Variants in GPC6 observed in about 807,000 individuals in gnomAD.
GPC6 encodes glypican 6, also known as glypican-6.
A neutral mutation model predicts 55.2 loss-of-function variants in GPC6; 14 were observed. The ratio of observed to expected loss-of-function variants is 0.25; its 90% CI spans 0.17 to 0.40. The LOEUF (loss-of-function observed/expected upper bound fraction) is 0.40, where lower values mean the gene tolerates loss of function less well. Ranked by LOEUF, GPC6 falls within the 10% of genes least tolerant of loss-of-function variation. The pLI is 1.00. For missense variants in GPC6, 641 were observed against 708.5 expected, an observed-to-expected ratio of 0.90 and a Z score of 1.08; for synonymous variants, 278 against 259.6, an observed-to-expected ratio of 1.07 and a Z score of -0.68.
intron 3 of GPC6, among the ~76,000 whole-genome samples, chr13:93,853,136 C>T (rs1415691556): frequency 2.6e-5 from 4 of 151,582 alleles, no homozygotes; most frequent in African/African-American, 9.7e-5. Flanking sequence ...AAAACCAAAA[C>T]ACGGTCAAGC....
chr13:94,287,446 A>C (rs1892562476), intron 5 of GPC6, among the ~76,000 whole-genome samples: 1 of 152,224 alleles, frequency 6.6e-6, no homozygotes, highest in Non-Finnish European at 1.5e-5. Flanking sequence ...GACATTGCAG[A>C]GCAAGAAAAA....
At chr13:93,302,789 G>T (rs1398735566) in intron 1 of GPC6, among the ~76,000 whole-genome samples, 1 of 152,164 alleles carries the variant, frequency 6.6e-6, no homozygotes, top group Non-Finnish European at 1.5e-5. Flanking sequence ...TGAGGAGAAG[G>T]CAGAGTACCG....
intron 1 of GPC6, among the ~76,000 whole-genome samples, chr13:93,253,049 T>C (rs1456497678): frequency 6.6e-6 from 1 of 152,252 alleles, no homozygotes; most frequent in Non-Finnish European, 1.5e-5. Context: ...TTTCTCCCAA[T>C]GAAGCTCTGT....
intron 3 of GPC6, among the ~76,000 whole-genome samples, chr13:93,956,932 C>T (rs1879533939): frequency 6.6e-6 from 1 of 152,182 alleles, no homozygotes; most frequent in African/African-American, 2.4e-5. Context: ...CAGCCGCGAA[C>T]AGGAGATAAC....
chr13:93,843,531 G>T (rs528257342), intron 3 of GPC6, among the ~76,000 whole-genome samples: 1 of 152,096 alleles, frequency 6.6e-6, no homozygotes, highest in East Asian at 1.9e-4. Context: ...ATCTATGTCA[G>T]ATTAAAAACT....
intron 1 of GPC6, among the ~76,000 whole-genome samples, chr13:93,472,701 CT>C (rs1353657761): frequency 6.6e-6 from 1 of 152,222 alleles, no homozygotes; most frequent in African/African-American, 2.4e-5. Context: ...CTCTCCTCTC[CT>C]TCTCTTTGCA....
At chr13:94,173,220 G>A (rs1037681879) in intron 4 of GPC6, among the ~76,000 whole-genome samples, 9 of 152,130 alleles carry the variant, frequency 5.9e-5, no homozygotes, top group Non-Finnish European at 8.8e-5. Flanking sequence ...CTGGGGACTT[G>A]AAACTACACT....
chr13:94,037,930 T>C (rs1883396960), intron 4 of GPC6, among the ~76,000 whole-genome samples: 1 of 152,026 alleles, frequency 6.6e-6, no homozygotes, highest in South Asian at 2.1e-4. Context: ...GCTTGACATA[T>C]GTCTAGTAAG....
At chr13:94,185,035 C>T (rs931306617) in intron 4 of GPC6, among the ~76,000 whole-genome samples, 18 of 151,978 alleles carry the variant, frequency 1.2e-4, no homozygotes, top group African/African-American at 3.9e-4. Flanking sequence ...TGAATTAACA[C>T]AGGAAGAGAA....
At chr13:93,872,543 AG>A (rs1889160995) in intron 3 of GPC6, among the ~76,000 whole-genome samples, 1 of 151,956 alleles carries the variant, frequency 6.6e-6, no homozygotes, top group East Asian at 1.9e-4. Context: ...TGGAGGCTCT[AG>A]GGAACAATCC....
At chr13:93,614,916 T>G (rs1165704347) in intron 2 of GPC6, among the ~76,000 whole-genome samples, 5 of 152,108 alleles carry the variant, frequency 3.3e-5, no homozygotes, top group Admixed American at 1.3e-4. Context: ...CTGAGTATAC[T>G]TGGGTTGATG....
chr13:93,361,749 T>C (rs1881048656), intron 1 of GPC6, among the ~76,000 whole-genome samples: 1 of 152,068 alleles, frequency 6.6e-6, no homozygotes, highest in South Asian at 2.1e-4. Context: ...CAGAGATAAA[T>C]GAAAGATACA....
At chr13:93,682,500 C>T (rs747759811) in intron 2 of GPC6, among the ~76,000 whole-genome samples, 6 of 152,076 alleles carry the variant, frequency 3.9e-5, no homozygotes, top group Non-Finnish European at 8.8e-5. Flanking sequence ...GAAATGAGTG[C>T]CTCCATCCAG....
At chr13:93,952,354 T>C (rs532520823) in intron 3 of GPC6, among the ~76,000 whole-genome samples, 1 of 152,284 alleles carries the variant, frequency 6.6e-6, no homozygotes, top group African/African-American at 2.4e-5. Context: ...ACTGTATGAA[T>C]ATTACTGTTA....
intron 2 of GPC6, among the ~76,000 whole-genome samples, chr13:93,742,598 G>A (rs1278311843): frequency 6.6e-6 from 1 of 152,198 alleles, no homozygotes; most frequent in African/African-American, 2.4e-5. Flanking sequence ...CGGATGGGTT[G>A]ATTAATGTGG....
At chr13:93,391,151 A>G (rs1229983331) in intron 1 of GPC6, among the ~76,000 whole-genome samples, 1 of 152,098 alleles carries the variant, frequency 6.6e-6, no homozygotes, top group African/African-American at 2.4e-5. Context: ...AGAAATTATA[A>G]TAATAATATA....
intron 1 of GPC6, among the ~76,000 whole-genome samples, chr13:93,524,267 A>G (rs931481061): frequency 6.6e-6 from 1 of 152,000 alleles, no homozygotes; most frequent in East Asian, 1.9e-4. Context: ...CTTAACCACA[A>G]ATCACTAGAA....
intron 4 of GPC6, among the ~76,000 whole-genome samples, chr13:94,097,858 G>A (rs984744580): frequency 3.3e-5 from 5 of 152,114 alleles, no homozygotes; most frequent in Non-Finnish European, 5.9e-5. Flanking sequence ...ATAATCAAGT[G>A]TCACAGACCT....
intron 6 of GPC6, among the ~76,000 whole-genome samples, chr13:94,351,438 C>A (rs566959260): frequency 6.6e-6 from 1 of 152,148 alleles, no homozygotes; most frequent in South Asian, 2.1e-4. Context: ...TGTACCAGAG[C>A]CTTTTGTGGA....
Sources: gnomAD v4.1 joint callset for allele counts (sites outside exome capture counted in the v4.1 genomes callset) on GRCh38, gnomAD v4.1.1 for gene constraint, MANE v1.5 for transcripts, NCBI Gene and HGNC (gene_info 2026-07-23, HGNC 2026-07-21) for gene names.